The following SNX27 variants were observed in gnomAD, a reference collection of about 807,000 sequenced individuals.
SNX27 encodes sorting nexin-27.
SNX27 carries 22 observed loss-of-function variants against 71.6 expected under a neutral mutation model. The observed-to-expected ratio is 0.31, with a 90% CI of 0.22 to 0.44. The LOEUF (loss-of-function observed/expected upper bound fraction) is 0.44. SNX27 is among the 20% of genes least tolerant of loss of function. The pLI, the probability that SNX27 is intolerant of heterozygous loss-of-function variation, is 1.00. For synonymous variants in SNX27, 269 were observed against 277.2 expected (o/e 0.97, Z 0.29); for missense variants, 531 against 698.6 (o/e 0.76, Z 2.70).
chr1:151,644,050 C>CA (rs1015456272), intron 2 of SNX27, among the ~76,000 whole-genome samples: 145 of 148,064 alleles, frequency 9.8e-4, no homozygotes, highest in African/African-American at 3.2e-3. Context: ...GACTTCGTCT[C>CA]AAAAAAAAAA....
At chr1:151,672,446 G>C (rs1212841884) in intron 7 of SNX27, among the ~76,000 whole-genome samples, 2 of 152,072 alleles carry the variant, frequency 1.3e-5, no homozygotes, top group Admixed American at 6.6e-5. Context: ...ATATTGGTCT[G>C]TAGTTTCCTT....
intron 1 of SNX27, among the ~76,000 whole-genome samples, chr1:151,622,323 G>A (rs1357673531): frequency 6.6e-6 from 1 of 152,110 alleles, no homozygotes; most frequent in African/African-American, 2.4e-5. Context: ...AGGACCACTT[G>A]GGATTAATTG....
At chr1:151,694,273 G>A in intron 11 of SNX27, 97 bp from the exon 12 acceptor site, 2 of 1,522,084 alleles carry the variant, frequency 1.3e-6, no homozygotes, top group Non-Finnish European at 1.8e-6. Context: ...ATCAGATTGA[G>A]TCATCCAGGC....
Position 151,694,496 on chromosome 1 carries a change from T to A in SNX27, c.*79T>A. 7.2e-7 allele frequency: 1 copy of A among 1,380,646 alleles called. No homozygotes were observed. Among genetic ancestry groups the A allele is most frequent in the Non-Finnish European group, 9.8e-7 (1 of 1,024,962 alleles). The allele number at this position is 1,380,646 out of a possible 1,614,324, so 85.5% of individuals were successfully genotyped here. A position where few individuals can be genotyped will look rare whatever the true frequency, so the allele number is the denominator to read the frequency against. ...GTCCCATTTCAGACAGAGTAACCATTAACAAAAAAGAAGAGAAAAAGTTAA... is the reference window on the plus strand; with the variant it reads ...GTCCCATTTCAGACAGAGTAACCATAAACAAAAAAGAAGAGAAAAAGTTAA... On this transcript the variant is annotated 3_prime_UTR_variant, in exon 12 of 12. Coordinates refer to ENST00000458013, the MANE Select transcript of SNX27 (RefSeq NM_001330723.2).
chr1:151,658,181 T>C, intron 2 of SNX27, 54 bp from the exon 3 acceptor site: 1 of 1,507,770 alleles, frequency 6.6e-7, no homozygotes, highest in East Asian at 2.3e-5. Context: ...CTAGATGATT[T>C]TGTGATTTAA....
At chr1:151,675,387 T>C (rs921946381) in intron 7 of SNX27, among the ~76,000 whole-genome samples, 5 of 152,190 alleles carry the variant, frequency 3.3e-5, no homozygotes, top group Admixed American at 6.5e-5. Context: ...CTTTAGGTCT[T>C]TATATGGATG....
intron 1 of SNX27, among the ~76,000 whole-genome samples, chr1:151,626,954 C>T (rs1320918521): frequency 6.6e-6 from 1 of 152,110 alleles, no homozygotes; most frequent in Non-Finnish European, 1.5e-5. Flanking sequence ...GTCCTAGAAT[C>T]AACCATTTAT....
chr1:151,664,555 T>C (rs1670109326), intron 5 of SNX27, among the ~76,000 whole-genome samples: 1 of 152,134 alleles, frequency 6.6e-6, no homozygotes, highest in Non-Finnish European at 1.5e-5. Context: ...GGTGTAATCA[T>C]TGCCTGTGTA....
chr1:151,650,856 G>A (rs1219338083), intron 2 of SNX27, among the ~76,000 whole-genome samples: 4 of 151,826 alleles, frequency 2.6e-5, no homozygotes, highest in Non-Finnish European at 5.9e-5. Context: ...ATCTTGCACC[G>A]CCCTTAATCC....
intron 1 of SNX27, among the ~76,000 whole-genome samples, chr1:151,624,168 G>A (rs1285745853): frequency 1.3e-5 from 2 of 151,714 alleles, no homozygotes; most frequent in Non-Finnish European, 2.9e-5. Flanking sequence ...GTCTTGCTAT[G>A]TTCCCCAGGC....
At position 151,612,174 on chromosome 1, in the gene SNX27, GC is replaced by G; in HGVS notation, c.-27del. On this transcript the variant is annotated 5_prime_UTR_variant, in exon 1 of 12. Coordinates refer to ENST00000458013, the MANE Select transcript of SNX27 (RefSeq NM_001330723.2). The surrounding 1 kb of genome is among the most constrained non-coding windows in gnomAD (Gnocchi z 5.2). Reference sequence around the variant, plus strand: ...CCGGGAGGCCTTGGAGGCGTAGGGGGCGGGGGTACGGCTCGCCTGCTCGCAA... The same window carrying G: ...CCGGGAGGCCTTGGAGGCGTAGGGGGGGGGGTACGGCTCGCCTGCTCGCAA... 21 of 1,325,282 alleles carry G rather than the reference GC, an allele frequency of 1.6e-5. No individual in the cohort carries two copies. Among genetic ancestry groups the G allele is most frequent in the Non-Finnish European group, 1.6e-5 (17 of 1,036,124 alleles). 82.1% of individuals were successfully genotyped at this position (1,325,282 alleles called of 1,614,324 possible). A position where few individuals can be genotyped will look rare whatever the true frequency, so the allele number is the denominator to read the frequency against.
At chr1:151,653,469 A>G (rs1388541613) in intron 2 of SNX27, among the ~76,000 whole-genome samples, 2 of 152,126 alleles carry the variant, frequency 1.3e-5, no homozygotes, top group Non-Finnish European at 2.9e-5. Flanking sequence ...ATGGGTTGCT[A>G]TTACCTTGTG....
intron 1 of SNX27, among the ~76,000 whole-genome samples, chr1:151,638,009 C>T (rs1425788261): frequency 6.6e-6 from 1 of 152,242 alleles, no homozygotes. Flanking sequence ...GATCAGCATT[C>T]TGGAAGGTAG....
At chr1:151,626,302 T>A (rs1461551370) in intron 1 of SNX27, among the ~76,000 whole-genome samples, 1 of 152,016 alleles carries the variant, frequency 6.6e-6, no homozygotes, top group East Asian at 1.9e-4. Context: ...TTGCCAAAGA[T>A]GAGACCTAAT....
intron 7 of SNX27, among the ~76,000 whole-genome samples, chr1:151,674,743 A>G (rs887956080): frequency 6.6e-6 from 1 of 151,914 alleles, no homozygotes; most frequent in African/African-American, 2.4e-5. Flanking sequence ...CTAGAGGGCA[A>G]TGGCGCGATC....
intron 3 of SNX27, 38 bp from the exon 4 acceptor site, chr1:151,660,760 T>C: frequency 6.7e-7 from 1 of 1,483,718 alleles, no homozygotes; most frequent in Non-Finnish European, 9.4e-7. Context: ...TTCTTGATTT[T>C]AAGGCCTTAT....
At chr1:151,632,809 TC>T (rs1668300602) in intron 1 of SNX27, among the ~76,000 whole-genome samples, 1 of 152,110 alleles carries the variant, frequency 6.6e-6, no homozygotes, top group Non-Finnish European at 1.5e-5. Context: ...GATGGTGGAC[TC>T]CTATTTCACA....
intron 2 of SNX27, among the ~76,000 whole-genome samples, chr1:151,651,427 C>A (rs542658893): frequency 6.6e-6 from 1 of 150,436 alleles, no homozygotes; most frequent in Non-Finnish European, 1.5e-5. Context: ...CGGGCGGAGA[C>A]GCTCCTCACT....
At chr1:151,681,114 T>C (rs1253360070) in intron 7 of SNX27, among the ~76,000 whole-genome samples, 4 of 152,104 alleles carry the variant, frequency 2.6e-5, no homozygotes, top group Non-Finnish European at 5.9e-5. Flanking sequence ...TCTTAACATC[T>C]GTCATCTTTT....
Sources: gnomAD v4.1 joint callset for allele counts (sites outside exome capture counted in the v4.1 genomes callset) on GRCh38, gnomAD v4.1.1 for gene constraint, Gnocchi (gnomAD v3.1) non-coding constraint, MANE v1.5 for transcripts, NCBI Gene and HGNC (gene_info 2026-07-23, HGNC 2026-07-21) for gene names.